Variants in NELL1 observed in about 807,000 individuals in gnomAD.
NELL1 encodes neural EGFL like 1, also known as protein kinase C-binding protein NELL1.
Under a neutral mutation model 107.4 loss-of-function variants are expected in NELL1, and 76 were observed. That is an observed-to-expected ratio of 0.71 (90% CI 0.59 to 0.86). The LOEUF is 0.86. Ranked by LOEUF, NELL1 falls within the 40% of genes least tolerant of loss-of-function variation. The probability of loss-of-function intolerance (pLI) is 0.00; values close to 1 mark genes in which losing one functional copy is unlikely to be tolerated. For synonymous variants in NELL1, 353 were observed against 341.2 expected (o/e 1.03, Z -0.38); for missense variants, 1,024 against 1,005.5 (o/e 1.02, Z -0.25).
At position 20,797,520 on chromosome 11, in the gene NELL1, C is replaced by T. The variant is rs571515691; in HGVS notation, c.335+13690C>T. Among the ~76,000 whole-genome samples the T allele has an allele frequency of 1.2e-4, 16 of 134,760 alleles. No homozygotes were observed. In the Admixed American group the frequency reaches 1.2e-3, roughly 10 times the overall value. The allele number at this position is 134,760 out of a possible 152,430, so 88.4% of individuals were successfully genotyped here. A position where few individuals can be genotyped will look rare whatever the true frequency, so the allele number is the denominator to read the frequency against. On this transcript the variant is annotated intron_variant, in intron 3 of 19. Transcript: ENST00000357134. The stretch of plus-strand genomic sequence containing the variant: ...GGTGGAGCTTGCAGTGAGCCGAGAT[C>T]GCGGCACTGCACTCCAGCCTGGGCG...
intron 4 of NELL1, among the ~76,000 whole-genome samples, chr11:20,857,350 C>T (rs1848902186): frequency 1.3e-5 from 2 of 152,236 alleles, no homozygotes; most frequent in African/African-American, 4.8e-5. Context: ...CATCCACTCA[C>T]TCCCCTCGAA....
At chr11:20,939,728 A>G (rs546080779) in intron 10 of NELL1, among the ~76,000 whole-genome samples, 14 of 152,256 alleles carry the variant, frequency 9.2e-5, no homozygotes, top group African/African-American at 3.4e-4. Context: ...GATCAGAAGA[A>G]GCCAAAATGT....
chr11:21,084,518 G>T (rs1230559168), intron 12 of NELL1, among the ~76,000 whole-genome samples: 1 of 152,154 alleles, frequency 6.6e-6, no homozygotes, highest in Non-Finnish European at 1.5e-5. Context: ...GGGCTCAGTA[G>T]GTCAGAGATG....
intron 3 of NELL1, among the ~76,000 whole-genome samples, chr11:20,830,569 C>T (rs1356480247): frequency 6.6e-6 from 1 of 151,952 alleles, no homozygotes; most frequent in Non-Finnish European, 1.5e-5. Context: ...AAGTCATGAC[C>T]TGAGATGATC....
chr11:20,956,817 T>G (rs558220480), intron 11 of NELL1, among the ~76,000 whole-genome samples: 1 of 152,236 alleles, frequency 6.6e-6, no homozygotes, highest in Non-Finnish European at 1.5e-5. Flanking sequence ...AGCATAATTA[T>G]TGTTTACTAA....
chr11:20,975,100 C>T (rs1851577747), intron 12 of NELL1, among the ~76,000 whole-genome samples: 1 of 152,108 alleles, frequency 6.6e-6, no homozygotes. Flanking sequence ...ACTCCACCTC[C>T]CAGGTTCAAG....
At chr11:20,734,599 G>A (rs1463224449) in intron 2 of NELL1, among the ~76,000 whole-genome samples, 2 of 152,068 alleles carry the variant, frequency 1.3e-5, no homozygotes, top group East Asian at 3.9e-4. Flanking sequence ...CTGCATTTGT[G>A]GTATTACCAT....
chr11:21,374,178 T>A (rs1481327623), intron 15 of NELL1, among the ~76,000 whole-genome samples: 3 of 151,422 alleles, frequency 2.0e-5, no homozygotes, highest in African/African-American at 7.3e-5. Flanking sequence ...TTTTTTCTAT[T>A]TTTTTTTAGT....
At chr11:21,408,784 A>G (rs952123174) in intron 15 of NELL1, among the ~76,000 whole-genome samples, 1 of 152,102 alleles carries the variant, frequency 6.6e-6, no homozygotes, top group Non-Finnish European at 1.5e-5. Flanking sequence ...ATGAACAGAC[A>G]CTTCTCAGAA....
intron 3 of NELL1, among the ~76,000 whole-genome samples, chr11:20,824,793 C>T (rs908557923): frequency 3.3e-5 from 5 of 151,166 alleles, no homozygotes; most frequent in Non-Finnish European, 5.9e-5. Context: ...TTCTAAGCAG[C>T]AAAGAATTCA....
At position 20,992,298 on chromosome 11, in the gene NELL1, G is replaced by A. The variant is rs554962449; in HGVS notation, c.1300+31738G>A. Among the ~76,000 whole-genome samples, 18 of 152,272 alleles carry A rather than the reference G, an allele frequency of 1.2e-4. No individual in the cohort carries two copies. The South Asian group carries it at 3.3e-3, about 28-fold the overall frequency. On this transcript the variant is annotated intron_variant, in intron 12 of 19. Coordinates refer to ENST00000357134, the MANE Select transcript of NELL1 (RefSeq NM_006157.5). Reference sequence around the variant, plus strand: ...CTGTGCAGTCCTTCAAAATGAATTCGTTACATATTTCACTGCTGTCCAGGA... The same window carrying A: ...CTGTGCAGTCCTTCAAAATGAATTCATTACATATTTCACTGCTGTCCAGGA...
intron 14 of NELL1, among the ~76,000 whole-genome samples, chr11:21,290,619 C>G (rs998417857): frequency 9.3e-4 from 141 of 152,110 alleles, no homozygotes; most frequent in African/African-American, 3.3e-3. Flanking sequence ...GGCAGGTGCC[C>G]CTCTGGGGCA....
chr11:21,041,287 C>T (rs1000420805), intron 12 of NELL1, among the ~76,000 whole-genome samples: 3 of 152,076 alleles, frequency 2.0e-5, no homozygotes, highest in Admixed American at 6.6e-5. Context: ...CTTGCGTAGT[C>T]GCTTTGAGTT....
intron 4 of NELL1, among the ~76,000 whole-genome samples, chr11:20,882,274 T>A (rs11822804): frequency 0.035 from 5,295 of 152,346 alleles, 312 homozygotes; most frequent in African/African-American, 0.12. Context: ...TCATTCACTT[T>A]TTTCTTGCCT....
chr11:20,832,468 T>C (rs1177750003), intron 3 of NELL1, among the ~76,000 whole-genome samples: 1 of 152,252 alleles, frequency 6.6e-6, no homozygotes, highest in African/African-American at 2.4e-5. Context: ...TCTGTTTTTG[T>C]TCATCATTGT....
intron 12 of NELL1, among the ~76,000 whole-genome samples, chr11:21,003,115 C>T (rs1253183356): frequency 7.2e-5 from 11 of 152,106 alleles, no homozygotes. Context: ...ATTTGCTGAG[C>T]ATTTCCTATG....
intron 11 of NELL1, among the ~76,000 whole-genome samples, chr11:20,949,653 G>C (rs1851033112): frequency 6.6e-6 from 1 of 152,170 alleles, no homozygotes; most frequent in Non-Finnish European, 1.5e-5. Flanking sequence ...AATAGAACAG[G>C]TGCCACTGCT....
chr11:21,562,390 G>A (rs1856869399), intron 17 of NELL1, among the ~76,000 whole-genome samples: 2 of 151,936 alleles, frequency 1.3e-5, no homozygotes, highest in Admixed American at 6.6e-5. Context: ...TCTGAATAAA[G>A]TACAGGCAGA....
At chr11:20,952,878 A>G (rs1851096565) in intron 11 of NELL1, among the ~76,000 whole-genome samples, 1 of 152,168 alleles carries the variant, frequency 6.6e-6, no homozygotes, top group Non-Finnish European at 1.5e-5. Context: ...GAAGAAACCA[A>G]TTGCTTTCTA....
Sources: gnomAD v4.1 joint callset for allele counts (sites outside exome capture counted in the v4.1 genomes callset) on GRCh38, gnomAD v4.1.1 for gene constraint, MANE v1.5 for transcripts, NCBI Gene and HGNC (gene_info 2026-07-23, HGNC 2026-07-21) for gene names.